The following CHLSN variants were observed in gnomAD, a reference collection of about 807,000 sequenced individuals.
The protein encoded by CHLSN is cholesin.
At chr7:1,116,949 ACG>A in the CHLSN span, among the ~76,000 whole-genome samples, 3 of 32,534 alleles carry the variant, frequency 9.2e-5, 1 homozygote, top group Non-Finnish European at 1.5e-4. Flanking sequence ...ACCGACGCCC[ACG>A]CAGGATGATG....
chr7:1,064,887 G>A, the CHLSN span, among the ~76,000 whole-genome samples: 2 of 152,260 alleles, frequency 1.3e-5, no homozygotes, highest in East Asian at 1.9e-4. Flanking sequence ...AGGAGGGAGG[G>A]TGGGAAACGC....
chr7:1,019,655 GGCC>G, the CHLSN span, among the ~76,000 whole-genome samples: 1 of 152,228 alleles, frequency 6.6e-6, no homozygotes, highest in Non-Finnish European at 1.5e-5. Flanking sequence ...AAGCTCCAGT[GGCC>G]GCCAAGAACC....
chr7:998,634 G>A, the CHLSN span, among the ~76,000 whole-genome samples: 36 of 152,046 alleles, frequency 2.4e-4, no homozygotes, highest in African/African-American at 8.0e-4. Flanking sequence ...TAGTAGAGAC[G>A]GGGTTTTTGC....
chr7:1,019,602 C>T, the CHLSN span, among the ~76,000 whole-genome samples: 2 of 152,208 alleles, frequency 1.3e-5, no homozygotes, highest in African/African-American at 2.4e-5. Flanking sequence ...GTGGGGCTGC[C>T]CTGTGGGCAG....
the CHLSN span, among the ~76,000 whole-genome samples, chr7:1,020,240 C>T: frequency 6.6e-6 from 1 of 152,222 alleles, no homozygotes; most frequent in Non-Finnish European, 1.5e-5. Flanking sequence ...TGTGAACACG[C>T]GCTGCAGCCT....
At chr7:1,111,918 A>G in the CHLSN span, among the ~76,000 whole-genome samples, 21 of 152,196 alleles carry the variant, frequency 1.4e-4, no homozygotes, top group Admixed American at 1.3e-3. Flanking sequence ...CGCGGCTGCT[A>G]CAGACGTTAA....
chr7:1,070,653 A>G, the CHLSN span, among the ~76,000 whole-genome samples: 196 of 150,688 alleles, frequency 1.3e-3, no homozygotes, highest in Non-Finnish European at 2.0e-3. Flanking sequence ...ACACATGCAC[A>G]CACATGCACG....
the CHLSN span, among the ~76,000 whole-genome samples, chr7:994,753 G>A: frequency 6.6e-6 from 1 of 152,254 alleles, no homozygotes; most frequent in Non-Finnish European, 1.5e-5. Flanking sequence ...TTATCAGTGT[G>A]TGGCTTGGTG....
At chr7:1,073,283 G>A in the CHLSN span, among the ~76,000 whole-genome samples, 1 of 152,086 alleles carries the variant, frequency 6.6e-6, no homozygotes, top group Non-Finnish European at 1.5e-5. Context: ...GGAAGGGAAG[G>A]GCAGAGAGCT....
At chr7:1,016,018 C>T in the CHLSN span, among the ~76,000 whole-genome samples, 15 of 148,206 alleles carry the variant, frequency 1.0e-4, 2 homozygotes, top group Non-Finnish European at 1.8e-4. Flanking sequence ...GGATCCCAGA[C>T]AAAACACGCT....
chr7:1,011,907 G>A, the CHLSN span, among the ~76,000 whole-genome samples: 2 of 152,240 alleles, frequency 1.3e-5, no homozygotes, highest in Non-Finnish European at 2.9e-5. Flanking sequence ...CACACACACA[G>A]GCAGGAAGCT....
the CHLSN span, among the ~76,000 whole-genome samples, chr7:1,050,983 T>C: frequency 6.6e-6 from 1 of 152,186 alleles, no homozygotes; most frequent in South Asian, 2.1e-4. Context: ...GATGGACAGA[T>C]TGGCTGAGGT....
At chr7:1,035,370 A>G in the CHLSN span, among the ~76,000 whole-genome samples, 3 of 152,380 alleles carry the variant, frequency 2.0e-5, 1 homozygote, top group Admixed American at 1.3e-4. Context: ...TATTCCTCTG[A>G]GCGTAAACCC....
the CHLSN span, among the ~76,000 whole-genome samples, chr7:1,076,903 G>A: frequency 6.6e-5 from 10 of 152,232 alleles, no homozygotes; most frequent in East Asian, 1.9e-4. Context: ...ACAGGCTTAC[G>A]GGGTGGTCAG....
At chr7:1,131,496 A>G in the CHLSN span, among the ~76,000 whole-genome samples, 1 of 152,248 alleles carries the variant, frequency 6.6e-6, no homozygotes, top group Non-Finnish European at 1.5e-5. Flanking sequence ...CATTGGAAGA[A>G]TATTCCTATT....
At chr7:1,110,588 G>T in the CHLSN span, among the ~76,000 whole-genome samples, 1 of 152,236 alleles carries the variant, frequency 6.6e-6, no homozygotes, top group African/African-American at 2.4e-5. Flanking sequence ...GATCCACCAT[G>T]GGGCCGCATC....
the CHLSN span, among the ~76,000 whole-genome samples, chr7:1,044,151 G>A: frequency 6.6e-6 from 1 of 152,218 alleles, no homozygotes; most frequent in African/African-American, 2.4e-5. Flanking sequence ...AGAGGGGCAG[G>A]TGTACCTGGA....
the CHLSN span, among the ~76,000 whole-genome samples, chr7:1,018,208 C>T: frequency 7.9e-5 from 12 of 152,148 alleles, no homozygotes; most frequent in Non-Finnish European, 8.8e-5. Flanking sequence ...TAGGGCTTGG[C>T]GGGTGGGGTC....
the CHLSN span, among the ~76,000 whole-genome samples, chr7:1,101,534 T>C: frequency 6.6e-6 from 1 of 152,208 alleles, no homozygotes; most frequent in African/African-American, 2.4e-5. Context: ...TCCCGCCCCT[T>C]CCCCGGCTAT....
Sources: gnomAD v4.1 joint callset for allele counts (sites outside exome capture counted in the v4.1 genomes callset) on GRCh38, gnomAD v4.1.1 for gene constraint, MANE v1.5 for transcripts, NCBI Gene and HGNC (gene_info 2026-07-23, HGNC 2026-07-21) for gene names.